ST6GALNAC3: variants seen among roughly 807,000 people sequenced by gnomAD.
ST6GALNAC3 encodes the protein ST6 N-acetylgalactosaminide alpha-2,6-sialyltransferase 3.
A neutral mutation model predicts 32.7 loss-of-function variants in ST6GALNAC3; 25 were observed. The ratio of observed to expected loss-of-function variants is 0.76; its 90% CI spans 0.56 to 1.07. The LOEUF (loss-of-function observed/expected upper bound fraction) is 1.07. Among genes scored for constraint, ST6GALNAC3 ranks in the 50% least tolerant of loss-of-function variants. The pLI is 0.00. For synonymous variants in ST6GALNAC3, 129 were observed against 133.1 expected (o/e 0.97, Z 0.21); for missense variants, 355 against 382.4 (o/e 0.93, Z 0.60).
At chr1:76,453,363 A>G (rs1212814438) in intron 3 of ST6GALNAC3, among the ~76,000 whole-genome samples, 1 of 151,568 alleles carries the variant, frequency 6.6e-6, no homozygotes, top group African/African-American at 2.4e-5. Context: ...TTGAGGTGTG[A>G]CCTTATATTG....
At chr1:76,547,780 G>A (rs1664384299) in intron 3 of ST6GALNAC3, among the ~76,000 whole-genome samples, 1 of 151,528 alleles carries the variant, frequency 6.6e-6, no homozygotes, top group South Asian at 2.1e-4. Context: ...CTTGAACCTG[G>A]GAGGAGGCAG....
intron 2 of ST6GALNAC3, among the ~76,000 whole-genome samples, chr1:76,392,414 T>C (rs1256546417): frequency 6.6e-6 from 1 of 152,246 alleles, no homozygotes; most frequent in Non-Finnish European, 1.5e-5. Context: ...TTAGATAAGA[T>C]GCCCAGCAAT....
chr1:76,138,689 A>G (rs1650102379), intron 1 of ST6GALNAC3, among the ~76,000 whole-genome samples: 5 of 152,118 alleles, frequency 3.3e-5, no homozygotes, highest in Admixed American at 2.6e-4. Context: ...ATCTTTTTGT[A>G]TGTTTCTTCC....
chr1:76,568,970 G>A (rs1385145805), intron 3 of ST6GALNAC3, among the ~76,000 whole-genome samples: 1 of 152,096 alleles, frequency 6.6e-6, no homozygotes, highest in Non-Finnish European at 1.5e-5. Context: ...AACTGCCCCA[G>A]GGGATGGCTT....
At chr1:76,185,499 T>C (rs916282925) in intron 1 of ST6GALNAC3, among the ~76,000 whole-genome samples, 7 of 152,222 alleles carry the variant, frequency 4.6e-5, no homozygotes, top group African/African-American at 1.7e-4. Context: ...CACGAAATCC[T>C]GTCATGGAGG....
At chr1:76,164,180 G>T (rs1238231975) in intron 1 of ST6GALNAC3, among the ~76,000 whole-genome samples, 1 of 152,186 alleles carries the variant, frequency 6.6e-6, no homozygotes, top group East Asian at 1.9e-4. Flanking sequence ...AATTACCTGT[G>T]CATTTAGGGA....
intron 1 of ST6GALNAC3, among the ~76,000 whole-genome samples, chr1:76,175,410 A>G (rs563093310): frequency 2.0e-5 from 3 of 152,124 alleles, no homozygotes; most frequent in African/African-American, 7.2e-5. Flanking sequence ...GAGGCTACGT[A>G]TTACAAAGCT....
chr1:76,269,924 G>A (rs1658740241), intron 1 of ST6GALNAC3, among the ~76,000 whole-genome samples: 2 of 152,206 alleles, frequency 1.3e-5, no homozygotes, highest in Non-Finnish European at 2.9e-5. Context: ...GGAACCCAGG[G>A]AGGCAGAGGT....
chr1:76,500,033 G>A (rs1367705409), intron 3 of ST6GALNAC3, among the ~76,000 whole-genome samples: 1 of 150,958 alleles, frequency 6.6e-6, no homozygotes, highest in Non-Finnish European at 1.5e-5. Context: ...TCAATGTGGA[G>A]ATTTAAAAAA....
At chr1:76,558,561 A>G (rs967566344) in intron 3 of ST6GALNAC3, among the ~76,000 whole-genome samples, 1 of 152,066 alleles carries the variant, frequency 6.6e-6, no homozygotes, top group Non-Finnish European at 1.5e-5. Context: ...GACATGTAGA[A>G]GAGATCAATA....
intron 3 of ST6GALNAC3, among the ~76,000 whole-genome samples, chr1:76,563,529 G>T (rs1337544409): frequency 2.0e-5 from 3 of 152,194 alleles, no homozygotes; most frequent in Non-Finnish European, 4.4e-5. Context: ...GCAGCACCTT[G>T]ATGGCAAAGT....
intron 1 of ST6GALNAC3, among the ~76,000 whole-genome samples, chr1:76,117,292 G>C (rs1051933532): frequency 3.9e-5 from 6 of 152,210 alleles, no homozygotes; most frequent in Admixed American, 1.3e-4. Flanking sequence ...GACAGGAGAA[G>C]TTAAGCTCAT....
intron 1 of ST6GALNAC3, among the ~76,000 whole-genome samples, chr1:76,102,350 G>C (rs1372239229): frequency 1.3e-5 from 2 of 151,764 alleles, no homozygotes; most frequent in Admixed American, 1.3e-4. Context: ...GGTTGAGTTG[G>C]ACAGAATTTG....
Position 76,263,828 on chromosome 1 carries a change from CT to C in ST6GALNAC3, c.19-49965del, listed in dbSNP as rs370173259. ...TCACCCCTTGTGGGGCTTAGAAGTG[CT>C]TTTTTTTTTTTAAGCCTTTTATCTG... On this transcript the variant is annotated intron_variant, in intron 1 of 4. Transcript: ENST00000328299. Among the ~76,000 whole-genome samples, 126 of 151,570 alleles carry C rather than the reference CT, an allele frequency of 8.3e-4. 3 individuals are homozygous for C. Among genetic ancestry groups the C allele is most frequent in the African/African-American group, 2.7e-3 (112 of 40,960 alleles).
chr1:76,426,284 C>T (rs143402323), intron 3 of ST6GALNAC3, among the ~76,000 whole-genome samples: 1 of 151,846 alleles, frequency 6.6e-6, no homozygotes, highest in African/African-American at 2.4e-5. Context: ...TACCTCTCTG[C>T]CCCCTCAAAT....
chr1:76,516,396 A>C (rs1232406758), intron 3 of ST6GALNAC3, among the ~76,000 whole-genome samples: 2 of 152,108 alleles, frequency 1.3e-5, no homozygotes, highest in African/African-American at 4.8e-5. Context: ...GTTTGGCTTA[A>C]ACTTTTTAAA....
intron 1 of ST6GALNAC3, among the ~76,000 whole-genome samples, chr1:76,236,856 G>A (rs1328423145): frequency 6.6e-6 from 1 of 152,138 alleles, no homozygotes; most frequent in Non-Finnish European, 1.5e-5. Context: ...GATAAAAACT[G>A]CCAATTCAAC....
At chr1:76,520,975 CTT>C in intron 3 of ST6GALNAC3, among the ~76,000 whole-genome samples, 1 of 151,840 alleles carries the variant, frequency 6.6e-6, no homozygotes, top group East Asian at 1.9e-4. Context: ...CCTACCTGAT[CTT>C]TTTTAAATGC....
At chr1:76,199,468 G>T (rs763521027) in intron 1 of ST6GALNAC3, among the ~76,000 whole-genome samples, 2 of 152,196 alleles carry the variant, frequency 1.3e-5, no homozygotes, top group Non-Finnish European at 2.9e-5. Context: ...TAATTCAGAG[G>T]TGTGTAGCTA....
Sources: allele counts gnomAD v4.1 joint callset (sites outside exome capture counted in the v4.1 genomes callset), GRCh38; gene constraint gnomAD v4.1.1; transcripts MANE v1.5; gene names NCBI Gene and HGNC (gene_info 2026-07-23, HGNC 2026-07-21).